The following DAB1 variants were observed in gnomAD, a reference collection of about 807,000 sequenced individuals.
DAB1 encodes DAB adaptor protein 1.
DAB1 carries 15 observed loss-of-function variants against 64.6 expected under a neutral mutation model. That is an observed-to-expected ratio of 0.23 (90% CI 0.16 to 0.36). The LOEUF is 0.36. Among genes scored for constraint, DAB1 ranks in the 10% least tolerant of loss-of-function variants. The pLI is 1.00. For synonymous variants in DAB1, 235 were observed against 251.9 expected (o/e 0.93, Z 0.64); for missense variants, 596 against 706.7 (o/e 0.84, Z 1.78).
At chr1:57,606,395 C>T (rs372268093) in intron 7 of DAB1, among the ~76,000 whole-genome samples, 1 of 96,260 alleles carries the variant, frequency 1.0e-5, no homozygotes, top group African/African-American at 3.8e-5. Flanking sequence ...TATATATACA[C>T]ATTATATTAT....
intron 5 of DAB1, among the ~76,000 whole-genome samples, chr1:58,052,875 C>A (rs923730225): frequency 1.3e-5 from 2 of 152,142 alleles, no homozygotes; most frequent in Non-Finnish European, 2.9e-5. Flanking sequence ...ACTAGGCTTA[C>A]AATTCTGCAG....
chr1:57,076,676 G>A lies in DAB1; in HGVS notation c.307-4262C>T, dbSNP rs533536265. ...TTTCTCTGCAGATGCCCTGGCCTGC[G>A]CTTCATCAGCTCAGAGAACTATAGT... On this transcript the variant is annotated intron_variant, in intron 4 of 14. Coordinates refer to ENST00000371236, the MANE Select transcript of DAB1 (RefSeq NM_001365792.1). 1.2e-4 allele frequency among the ~76,000 whole-genome samples: 18 copies of A among 152,252 alleles called. No individual in the cohort carries two copies. The East Asian group carries it at 1.7e-3, about 15-fold the overall frequency.
At chr1:57,791,731 A>C (rs531063538) in intron 6 of DAB1, among the ~76,000 whole-genome samples, 1 of 152,136 alleles carries the variant, frequency 6.6e-6, no homozygotes, top group African/African-American at 2.4e-5. Context: ...TGTGTGCCTG[A>C]GACCCGGGCT....
At chr1:57,289,803 T>C (rs1353927326) in intron 2 of DAB1, among the ~76,000 whole-genome samples, 2 of 152,014 alleles carry the variant, frequency 1.3e-5, no homozygotes, top group East Asian at 3.9e-4. Context: ...TCCTCTCCCA[T>C]GCAGCTGAGA....
chr1:58,326,475 G>A (rs1662827449), intron 4 of DAB1, among the ~76,000 whole-genome samples: 1 of 152,214 alleles, frequency 6.6e-6, no homozygotes, highest in Non-Finnish European at 1.5e-5. Flanking sequence ...AAAGATGAAG[G>A]AAGGAGTGGA....
chr1:57,175,628 C>T (rs574853593), intron 2 of DAB1, among the ~76,000 whole-genome samples: 25 of 152,226 alleles, frequency 1.6e-4, no homozygotes, highest in South Asian at 1.0e-3. Context: ...ATTTACATGG[C>T]GTATCTGCTC....
intron 11 of DAB1, among the ~76,000 whole-genome samples, chr1:57,015,736 C>A (rs1034298359): frequency 1.1e-4 from 17 of 152,152 alleles, no homozygotes; most frequent in Non-Finnish European, 5.9e-5. Context: ...AGCTGTGTGT[C>A]TCAGGGACAG....
chr1:57,641,184 G>A (rs1298663698), intron 7 of DAB1, among the ~76,000 whole-genome samples: 1 of 152,052 alleles, frequency 6.6e-6, no homozygotes, highest in Non-Finnish European at 1.5e-5. Flanking sequence ...TGGGATGGGT[G>A]AGTTGGGGTT....
At chr1:57,600,746 C>T (rs914814867) in intron 7 of DAB1, among the ~76,000 whole-genome samples, 9 of 152,014 alleles carry the variant, frequency 5.9e-5, no homozygotes, top group African/African-American at 2.2e-4. Flanking sequence ...TGCAAAGCAG[C>T]GAAAAATTTC....
chr1:58,397,454 C>A (rs1452160640), intron 3 of DAB1, among the ~76,000 whole-genome samples: 1 of 152,192 alleles, frequency 6.6e-6, no homozygotes, highest in Non-Finnish European at 1.5e-5. Flanking sequence ...GGGCTCAGAC[C>A]TTACCTCTCT....
intron 4 of DAB1, among the ~76,000 whole-genome samples, chr1:58,323,491 C>A (rs1040012031): frequency 6.6e-6 from 1 of 152,020 alleles, no homozygotes; most frequent in Non-Finnish European, 1.5e-5. Flanking sequence ...TAGACATCCA[C>A]GGAAAGGCCT....
chr1:57,004,483 GC>G (rs1213976040), intron 14 of DAB1, among the ~76,000 whole-genome samples: 2 of 152,228 alleles, frequency 1.3e-5, no homozygotes. Flanking sequence ...CAATCAGCTT[GC>G]TGAGTGAGCC....
At chr1:58,346,387 G>T (rs1557736501) in intron 3 of DAB1, among the ~76,000 whole-genome samples, 1 of 152,132 alleles carries the variant, frequency 6.6e-6, no homozygotes, top group East Asian at 1.9e-4. Context: ...ATAATATTGT[G>T]GAATCAGAGC....
chr1:57,954,890 A>C (rs1176469805), intron 5 of DAB1, among the ~76,000 whole-genome samples: 2 of 152,166 alleles, frequency 1.3e-5, no homozygotes, highest in Admixed American at 1.3e-4. Context: ...AAATGGGGCA[A>C]GGTGTGTTAT....
chr1:57,771,697 T>A (rs186861155), intron 6 of DAB1, among the ~76,000 whole-genome samples: 35 of 152,260 alleles, frequency 2.3e-4, no homozygotes, highest in African/African-American at 8.2e-4. Context: ...ATAGAACATG[T>A]ACCTCACTCC....
Position 57,987,255 on chromosome 1 carries a change from A to G in DAB1, n.388-103093T>C, listed in dbSNP as rs546315970. Among the ~76,000 whole-genome samples, 6 of 152,328 alleles carry G rather than the reference A, an allele frequency of 3.9e-5. No individual in the cohort carries two copies. In the South Asian group the frequency reaches 1.2e-3, roughly 32 times the overall value. ...TGCACAGCATCAGCCCTTCCAGCAG[A>G]CAATTCTTCCCAGCCACATAGACAC... On this transcript the variant is annotated intron_variant and non_coding_transcript_variant, in intron 5 of 20. Transcript: ENST00000485760.
intron 3 of DAB1, among the ~76,000 whole-genome samples, chr1:58,499,675 T>C (rs374343000): frequency 6.6e-6 from 1 of 152,206 alleles, no homozygotes; most frequent in Non-Finnish European, 1.5e-5. Flanking sequence ...AAAGTAAGTA[T>C]GTGAGGTGAT....
At chr1:57,793,393 G>A (rs1048115813) in intron 6 of DAB1, among the ~76,000 whole-genome samples, 1 of 152,172 alleles carries the variant, frequency 6.6e-6, no homozygotes, top group Admixed American at 6.5e-5. Context: ...GGTGCCATAG[G>A]AATGTTGATC....
chr1:57,459,317 A>G (rs1401299773), intron 7 of DAB1, among the ~76,000 whole-genome samples: 1 of 152,190 alleles, frequency 6.6e-6, no homozygotes, highest in Non-Finnish European at 1.5e-5. Context: ...TCATATATGT[A>G]TGCTACAATT....
Sources: allele counts gnomAD v4.1 joint callset (sites outside exome capture counted in the v4.1 genomes callset), GRCh38; gene constraint gnomAD v4.1.1; transcripts MANE v1.5; gene names NCBI Gene and HGNC (gene_info 2026-07-23, HGNC 2026-07-21).